Variants in DGKB observed in about 807,000 individuals in gnomAD.
DGKB encodes diacylglycerol kinase beta.
DGKB carries 67 observed loss-of-function variants against 114.3 expected under a neutral mutation model. The ratio of observed to expected loss-of-function variants is 0.59; its 90% CI spans 0.48 to 0.72. The LOEUF (loss-of-function observed/expected upper bound fraction) is 0.72, where lower values mean the gene tolerates loss of function less well. DGKB is among the 30% of genes least tolerant of loss of function. The probability of loss-of-function intolerance (pLI) is 0.00; values close to 1 mark genes in which losing one functional copy is unlikely to be tolerated. For missense variants in DGKB, 907 were observed against 975.2 expected (o/e 0.93, Z 0.93); for synonymous variants, 398 against 323.1 (o/e 1.23, Z -2.49).
chr7:14,596,180 A>G (rs1051378556), intron 17 of DGKB, among the ~76,000 whole-genome samples: 6 of 152,200 alleles, frequency 3.9e-5, no homozygotes, highest in African/African-American at 1.4e-4. Flanking sequence ...AAGCACAGGA[A>G]TAATGATACA....
chr7:14,319,238 GTAAC>G (rs1187874406), intron 23 of DGKB, among the ~76,000 whole-genome samples: 1 of 151,676 alleles, frequency 6.6e-6, no homozygotes, highest in East Asian at 1.9e-4. Context: ...GTATACGTAT[GTAAC>G]TAACCTGCAC....
intron 22 of DGKB, among the ~76,000 whole-genome samples, chr7:14,344,983 AC>A (rs925595962): frequency 1.3e-5 from 2 of 151,724 alleles, no homozygotes; most frequent in African/African-American, 4.8e-5. Flanking sequence ...GTATTCTGCA[AC>A]TTTTTTCTTC....
chr7:14,848,022 A>G (rs1848870988), intron 1 of DGKB, among the ~76,000 whole-genome samples: 1 of 152,240 alleles, frequency 6.6e-6, no homozygotes, highest in Non-Finnish European at 1.5e-5. Context: ...ACAATTTGTC[A>G]TAAGTAAATT....
chr7:14,363,503 T>A (rs575610501), intron 21 of DGKB, among the ~76,000 whole-genome samples: 2 of 152,124 alleles, frequency 1.3e-5, no homozygotes, highest in East Asian at 3.9e-4. Flanking sequence ...AAGTGCAAAG[T>A]CCCTGTCGGA....
intron 21 of DGKB, among the ~76,000 whole-genome samples, chr7:14,407,530 T>C (rs7809958): frequency 0.75 from 114,082 of 151,804 alleles, 43,468 homozygotes; most frequent in Middle Eastern, 0.83. Flanking sequence ...GCTCTTCTTA[T>C]TGAGAGTGAC....
At chr7:14,167,820 A>T (rs1784830959) in intron 25 of DGKB, among the ~76,000 whole-genome samples, 1 of 152,212 alleles carries the variant, frequency 6.6e-6, no homozygotes. Context: ...CTGCTAAAAT[A>T]GTAACAGCAA....
At chr7:14,324,991 ACAGT>A (rs1808470873) in intron 23 of DGKB, among the ~76,000 whole-genome samples, 1 of 152,226 alleles carries the variant, frequency 6.6e-6, no homozygotes, top group African/African-American at 2.4e-5. Flanking sequence ...CTATTGGCAC[ACAGT>A]CAGCATCTGT....
At chr7:14,868,271 C>T (rs1425477481) in intron 1 of DGKB, among the ~76,000 whole-genome samples, 2 of 152,016 alleles carry the variant, frequency 1.3e-5, no homozygotes, top group East Asian at 3.9e-4. Flanking sequence ...GTCACTGCCC[C>T]CTATGCTTGC....
At chr7:14,911,791 G>T (rs1784020855) in intron 1 of DGKB, among the ~76,000 whole-genome samples, 1 of 152,172 alleles carries the variant, frequency 6.6e-6, no homozygotes, top group African/African-American at 2.4e-5. Flanking sequence ...TCAGATGGGA[G>T]ACCAAAGATG....
Position 14,653,497 on chromosome 7 carries a change from G to A in DGKB, c.1134+19432C>T, listed in dbSNP as rs188238035. On this transcript the variant is annotated intron_variant, in intron 13 of 25. Transcript: ENST00000402815. Reference sequence around the variant, plus strand: ...AGGAAGGAGAATATCACACTCTGGGGACTGTTGTGGGGTGGGGGTAGGGGG... The same window carrying A: ...AGGAAGGAGAATATCACACTCTGGGAACTGTTGTGGGGTGGGGGTAGGGGG... 3.7e-3 allele frequency among the ~76,000 whole-genome samples: 565 copies of A among 151,626 alleles called. 6 individuals carry two copies. The highest frequency in any genetic ancestry group is 0.013 in the African/African-American group (537 of 41,320).
chr7:14,368,855 A>G (rs1056753510), intron 21 of DGKB, among the ~76,000 whole-genome samples: 23 of 152,168 alleles, frequency 1.5e-4, no homozygotes, highest in Non-Finnish European at 5.9e-5. Flanking sequence ...GAGAGCCCTC[A>G]GACCATCATG....
intron 25 of DGKB, among the ~76,000 whole-genome samples, chr7:14,153,287 C>T (rs138417731): frequency 1.6e-3 from 248 of 152,140 alleles, no homozygotes; most frequent in African/African-American, 5.7e-3. Flanking sequence ...TCTGAACAAC[C>T]GCTCGACATC....
chr7:14,334,389 TGTGTGTGCGC>T (rs59448357), intron 23 of DGKB, among the ~76,000 whole-genome samples: 2,739 of 86,614 alleles, frequency 0.032, 28 homozygotes, highest in Non-Finnish European at 0.048. Flanking sequence ...TGTGTGTGTG[TGTGTGTGCGC>T]GCGCGTGTAT....
At chr7:14,749,003 TAATC>T in intron 4 of DGKB, among the ~76,000 whole-genome samples, 1 of 152,338 alleles carries the variant, frequency 6.6e-6, no homozygotes, top group East Asian at 1.9e-4. Flanking sequence ...TAATTTAAAT[TAATC>T]AGAGTTTTTT....
intron 23 of DGKB, among the ~76,000 whole-genome samples, chr7:14,288,148 A>G (rs761341786): frequency 6.6e-6 from 1 of 151,770 alleles, no homozygotes; most frequent in Non-Finnish European, 1.5e-5. Flanking sequence ...TCTTGTATAT[A>G]AGAAATTATA....
chr7:14,573,431 C>T lies in DGKB; in HGVS notation c.1770+781G>A, dbSNP rs553566103. On this transcript the variant is annotated intron_variant, in intron 20 of 25. Coordinates refer to ENST00000402815, the MANE Select transcript of DGKB (RefSeq NM_001350709.2). ...CTTAAGTTCATGGACTCAACCAATG[C>T]TTTCTATATTCTACTAGCCTTTTTA... Among the ~76,000 whole-genome samples, 6 of 150,810 alleles carry T rather than the reference C, an allele frequency of 4.0e-5. 1 individual carries two copies. In the East Asian group the frequency reaches 5.9e-4, roughly 15 times the overall value.
chr7:14,905,246 T>C (rs923727401), upstream of DGKB, among the ~76,000 whole-genome samples: 1 of 60,260 alleles, frequency 1.7e-5, no homozygotes, highest in East Asian at 9.6e-3. Flanking sequence ...TCTTGTTAGT[T>C]TTTTTTTTTT....
chr7:14,798,792 C>T (rs1841759334), intron 2 of DGKB, among the ~76,000 whole-genome samples: 2 of 152,186 alleles, frequency 1.3e-5, no homozygotes, highest in African/African-American at 4.8e-5. Context: ...GTGGTTATTT[C>T]CCCAGTTCCA....
intron 21 of DGKB, among the ~76,000 whole-genome samples, chr7:14,356,297 G>A (rs565495922): frequency 7.1e-6 from 1 of 140,950 alleles, no homozygotes; most frequent in South Asian, 2.4e-4. Flanking sequence ...CCTGATCTTA[G>A]TTGTTTCTTG....
Sources: gnomAD v4.1 joint callset for allele counts (sites outside exome capture counted in the v4.1 genomes callset) on GRCh38, gnomAD v4.1.1 for gene constraint, MANE v1.5 for transcripts, NCBI Gene and HGNC (gene_info 2026-07-23, HGNC 2026-07-21) for gene names.